The following CNTN4 variants were observed in gnomAD, a reference collection of about 807,000 sequenced individuals.
CNTN4 encodes contactin 4.
CNTN4 carries 77 observed loss-of-function variants against 122.5 expected under a neutral mutation model. The observed-to-expected ratio is 0.63, with a 90% CI of 0.52 to 0.76. CNTN4 has a LOEUF of 0.76. CNTN4 is among the 30% of genes least tolerant of loss of function. The pLI, the probability that CNTN4 is intolerant of heterozygous loss-of-function variation, is 0.00. For synonymous variants in CNTN4, 512 were observed against 447.0 expected (o/e 1.15, Z -1.83); for missense variants, 1,256 against 1,259.1 (o/e 1.00, Z 0.04).
At chr3:2,921,171 A>T (rs2094426086) in intron 12 of CNTN4, among the ~76,000 whole-genome samples, 1 of 152,110 alleles carries the variant, frequency 6.6e-6, no homozygotes, top group African/African-American at 2.4e-5. Flanking sequence ...CCAAGAAGCA[A>T]GGGCTACAGG....
intron 3 of CNTN4, among the ~76,000 whole-genome samples, chr3:2,393,052 A>C (rs2150900988): frequency 6.6e-6 from 1 of 152,306 alleles, no homozygotes; most frequent in African/African-American, 2.4e-5. Flanking sequence ...CCAAGTTGGC[A>C]GGTTGATTAC....
intron 3 of CNTN4, among the ~76,000 whole-genome samples, chr3:2,526,641 T>G (rs2077407670): frequency 6.6e-6 from 1 of 152,168 alleles, no homozygotes; most frequent in Non-Finnish European, 1.5e-5. Flanking sequence ...AATCATGTAC[T>G]TTTTTGAAAT....
intron 6 of CNTN4, among the ~76,000 whole-genome samples, chr3:2,782,515 G>A (rs1235772547): frequency 7.5e-6 from 1 of 133,934 alleles, no homozygotes; most frequent in Non-Finnish European, 1.6e-5. Flanking sequence ...GTGTGTGTGT[G>A]TTTTAATGGG....
chr3:3,020,647 T>C (rs535825285), intron 14 of CNTN4, among the ~76,000 whole-genome samples: 2 of 152,332 alleles, frequency 1.3e-5, no homozygotes, highest in Non-Finnish European at 2.9e-5. Flanking sequence ...ATTTCCCTGT[T>C]GGAAAGGTCA....
At chr3:2,719,364 C>G (rs1027487180) in intron 4 of CNTN4, among the ~76,000 whole-genome samples, 4 of 150,812 alleles carry the variant, frequency 2.7e-5, no homozygotes, top group Admixed American at 6.6e-5. Context: ...GTCATGATCT[C>G]GGCTCACTGC....
intron 4 of CNTN4, among the ~76,000 whole-genome samples, chr3:2,675,683 T>G (rs2084805824): frequency 6.6e-6 from 1 of 152,190 alleles, no homozygotes; most frequent in African/African-American, 2.4e-5. Context: ...AAATAGCTGT[T>G]CTGAATAATG....
At chr3:3,019,644 A>G in intron 14 of CNTN4, among the ~76,000 whole-genome samples, 1 of 151,794 alleles carries the variant, frequency 6.6e-6, no homozygotes, top group Admixed American at 6.6e-5. Flanking sequence ...AAGATGGAGA[A>G]GCCAGGCAAA....
chr3:2,101,373 C>T (rs951888237), intron 2 of CNTN4, among the ~76,000 whole-genome samples: 1 of 152,132 alleles, frequency 6.6e-6, no homozygotes, highest in Non-Finnish European at 1.5e-5. Context: ...ACAAGTTTGT[C>T]TGATCATGAT....
intron 2 of CNTN4, among the ~76,000 whole-genome samples, chr3:2,121,075 C>T (rs2033746889): frequency 7.0e-6 from 1 of 142,750 alleles, no homozygotes; most frequent in Non-Finnish European, 1.6e-5. Context: ...TGACTTCCTT[C>T]CTCCCTCCCT....
chr3:3,037,195 T>C lies in CNTN4; in HGVS notation c.1959T>C (p.Asp653=). Residue 653 remains aspartate (D), a synonymous_variant, in exon 18 of 25, where the codon GAT becomes GAC. Transcript: ENST00000418658. ...QAVSTVPELI[D]GKTFTATVVG... ...GTCTTTCAGTCCCAGAACTCATTGA[T>C]GGGAAGACATTCACAGCGACCGTGG... 6.2e-7 allele frequency: 1 copy of C among 1,614,196 alleles called. No homozygotes were observed. The highest frequency in any genetic ancestry group is 8.5e-7 in the Non-Finnish European group (1 of 1,180,020).
intron 11 of CNTN4, among the ~76,000 whole-genome samples, 184 bp downstream of exon 11, chr3:2,901,005 C>T (rs979917568): frequency 6.6e-6 from 1 of 152,162 alleles, no homozygotes; most frequent in African/African-American, 2.4e-5. Flanking sequence ...TCCAGTTCTC[C>T]AGCTTTCAAT....
chr3:2,189,510 A>G (rs1027637772), intron 2 of CNTN4, among the ~76,000 whole-genome samples: 2 of 152,190 alleles, frequency 1.3e-5, no homozygotes, highest in African/African-American at 2.4e-5. Flanking sequence ...GATGTCAGAT[A>G]AATGAATCAG....
chr3:2,872,876 G>A (rs945025772), intron 8 of CNTN4, among the ~76,000 whole-genome samples: 24 of 152,160 alleles, frequency 1.6e-4, no homozygotes, highest in South Asian at 6.2e-4. Context: ...AAATGTTTAT[G>A]TATGTTCTCA....
chr3:2,328,010 T>G (rs968437661), intron 2 of CNTN4, among the ~76,000 whole-genome samples: 1 of 152,172 alleles, frequency 6.6e-6, no homozygotes, highest in Non-Finnish European at 1.5e-5. Context: ...ATATCACACA[T>G]GGTTGCCAAG....
At chr3:2,143,661 C>A (rs1348722977) in intron 2 of CNTN4, among the ~76,000 whole-genome samples, 1 of 152,086 alleles carries the variant, frequency 6.6e-6, no homozygotes, top group Non-Finnish European at 1.5e-5. Context: ...AGGCATTGCA[C>A]CCTGTTCTTT....
chr3:2,922,482 C>G (rs2094437945), intron 12 of CNTN4, among the ~76,000 whole-genome samples: 1 of 152,150 alleles, frequency 6.6e-6, no homozygotes, highest in South Asian at 2.1e-4. Flanking sequence ...TATTCAAAAA[C>G]TGATGGAGTT....
intron 3 of CNTN4, among the ~76,000 whole-genome samples, chr3:2,507,133 G>A (rs73000051): frequency 0.082 from 12,492 of 152,164 alleles, 677 homozygotes; most frequent in Non-Finnish European, 0.12. Context: ...ATACTTAGTC[G>A]GGTTTTAATC....
intron 3 of CNTN4, among the ~76,000 whole-genome samples, chr3:2,487,593 T>G (rs1448557739): frequency 2.0e-5 from 3 of 152,248 alleles, no homozygotes; most frequent in African/African-American, 7.2e-5. Flanking sequence ...ATTATTTCCT[T>G]CAAATTAAAA....
chr3:2,788,252 A>C (rs532277685), intron 6 of CNTN4, among the ~76,000 whole-genome samples: 94 of 152,298 alleles, frequency 6.2e-4, no homozygotes, highest in African/African-American at 2.2e-3. Context: ...CAGGCACCCA[A>C]GGGAAATGGA....
Sources: gnomAD v4.1 joint callset for allele counts (sites outside exome capture counted in the v4.1 genomes callset) on GRCh38, gnomAD v4.1.1 for gene constraint, MANE v1.5 for transcripts, NCBI Gene and HGNC (gene_info 2026-07-23, HGNC 2026-07-21) for gene names.